SNED1: variants seen among roughly 807,000 people sequenced by gnomAD.
SNED1 encodes sushi, nidogen and EGF like domains 1.
SNED1 carries 81 observed loss-of-function variants against 166.7 expected under a neutral mutation model. That is an observed-to-expected ratio of 0.49 (90% CI 0.41 to 0.58). SNED1 has a LOEUF of 0.58. Ranked by LOEUF, SNED1 falls within the 20% of genes least tolerant of loss-of-function variation. SNED1 has a pLI of 0.00. For synonymous variants in SNED1, 762 were observed against 822.0 expected, an observed-to-expected ratio of 0.93 and a Z score of 1.25; for missense variants, 1,604 against 2,000.2, an observed-to-expected ratio of 0.80 and a Z score of 3.78.
chr2:241,052,376 G>A lies in SNED1; in HGVS notation c.1991G>A (p.Ser664Asn). Residue 664 changes from serine to asparagine, a missense_variant, in exon 15 of 32, where the codon AGC (serine) becomes AAC (asparagine). Physicochemically the swap from Ser to Asn is conservative, Grantham distance 46. Around this residue, in one of 2 missense-constraint regions of SNED1, gnomAD observed 1,237 missense variants for 1,620.8 expected, o/e 0.76. Transcript: ENST00000310397. ...CEIAPSPCFRSPCVNGGTCED... is the reference protein window; with the variant it reads ...CEIAPSPCFRNPCVNGGTCED... ...GCAGCCCCCTCCCCCTGCTTCCGGA[G>A]CCCGTGTGTGAATGGGGGCACCTGC... 1 of 1,583,514 alleles carries A rather than the reference G, an allele frequency of 6.3e-7. No individual in the cohort carries two copies. The highest frequency in any genetic ancestry group is 8.6e-7 in the Non-Finnish European group (1 of 1,163,716).
At chr2:241,009,958 T>TC (rs1484354141) in intron 1 of SNED1, 1 of 152,146 alleles carries the variant, frequency 6.6e-6, no homozygotes, top group African/African-American at 2.4e-5. Flanking sequence ...GCCCTGCCCA[T>TC]CCCCCGGCCC....
At chr2:241,016,488 GCCCGGC>G (rs2060598121) in intron 1 of SNED1, among the ~76,000 whole-genome samples, 2 of 139,204 alleles carry the variant, frequency 1.4e-5, no homozygotes, top group East Asian at 4.7e-4. Flanking sequence ...GAGCCACCAC[GCCCGGC>G]CCATGGTGGA....
At chr2:241,026,734 T>C (rs1461985128) in intron 1 of SNED1, among the ~76,000 whole-genome samples, 1 of 152,258 alleles carries the variant, frequency 6.6e-6, no homozygotes, top group East Asian at 1.9e-4. Context: ...AAGTTTTTCA[T>C]TGTGGTAAAA....
At position 241,048,767 on chromosome 2, in the gene SNED1, G is replaced by T. The variant is rs2061740129; in HGVS notation, c.1504+1G>T. 6.2e-7 allele frequency: 1 copy of T among 1,606,422 alleles called. No individual in the cohort carries two copies. The highest frequency in any genetic ancestry group is 8.5e-7 in the Non-Finnish European group (1 of 1,175,800). On this transcript the variant is annotated splice_donor_variant, in intron 10 of 31. Transcript: ENST00000310397. LOFTEE classifies it high-confidence loss of function. ...TTCTTTGGGCTTCTCTGTGAATTTGGTAGGTGCCCAGGTCACCCTTCCTGC... is the reference window on the plus strand; with the variant it reads ...TTCTTTGGGCTTCTCTGTGAATTTGTTAGGTGCCCAGGTCACCCTTCCTGC...
intron 1 of SNED1, among the ~76,000 whole-genome samples, chr2:241,019,858 T>C (rs917484074): frequency 6.6e-6 from 1 of 152,138 alleles, no homozygotes; most frequent in African/African-American, 2.4e-5. Flanking sequence ...GGCAGCAGGC[T>C]TTTTCTGTAG....
In SNED1 at chr2:241,049,152, C is replaced by T. The variant is rs1249620153; in HGVS notation, c.1618+17C>T. 2.5e-6 allele frequency: 4 copies of T among 1,597,644 alleles called. No individual in the cohort carries two copies. Among genetic ancestry groups the T allele is most frequent in the South Asian group, 1.1e-5 (1 of 89,368 alleles). On this transcript the variant is annotated intron_variant, in intron 11 of 31. Transcript: ENST00000310397. ...CCAGCCACTGTGAGTAGCTCGGGGA[C>T]GAGCCTGCTGGGCCGGGGGCCCGGA...
intron 1 of SNED1, among the ~76,000 whole-genome samples, chr2:241,029,959 G>C (rs1574924436): frequency 6.6e-6 from 1 of 152,374 alleles, no homozygotes; most frequent in East Asian, 1.9e-4. Flanking sequence ...AGGCCCAAGT[G>C]CCCCACTGAC....
chr2:240,998,727 C>G lies in SNED1; in HGVS notation c.-111C>G, dbSNP rs986774608. On this transcript the variant is annotated 5_prime_UTR_variant, in exon 1 of 32. Transcript: ENST00000310397. The stretch of plus-strand genomic sequence containing the variant: ...AGCCCCCGACGGCGCGGCCAGCGGG[C>G]GCGCCCGCGCTCCCCGCACCCCGCC... 1 of 305,434 alleles carries G rather than the reference C, an allele frequency of 3.3e-6. No homozygotes were observed. 18.9% of individuals were successfully genotyped at this position (305,434 alleles called of 1,614,324 possible).
At position 241,064,693 on chromosome 2, in the gene SNED1, G is replaced by A; in HGVS notation, c.2600-151G>A. On this transcript the variant is annotated intron_variant, in intron 19 of 31. Coordinates refer to ENST00000310397, the MANE Select transcript of SNED1 (RefSeq NM_001080437.3). The surrounding 1 kb of genome is among the most constrained non-coding windows in gnomAD (Gnocchi z 7.0). ...TTGGGCCCCGCAGGGCAGTGGAGGT[G>A]GCAGAACCGAAGGGAGGCAGTAGCT... 2 of 587,070 alleles carry A rather than the reference G, an allele frequency of 3.4e-6. No homozygotes were observed. The highest frequency in any genetic ancestry group is 3.2e-5 in the East Asian group (1 of 31,326). The allele number at this position is 587,070 out of a possible 1,614,324, so 36.4% of individuals were successfully genotyped here.
chr2:241,020,398 C>A (rs1259127278), intron 1 of SNED1, among the ~76,000 whole-genome samples: 1 of 152,256 alleles, frequency 6.6e-6, no homozygotes. Flanking sequence ...CTTAGCCGGA[C>A]CATCCTTGAA....
In SNED1 at chr2:241,065,609, A is replaced by T. The variant is rs778037823; in HGVS notation, c.3010+14A>T. On this transcript the variant is annotated intron_variant, in intron 21 of 31. Transcript: ENST00000310397. ...TGGCCCGCACGCGTGAGTGTCCCCG[A>T]GCCTGGCCGTCCCTGCCCAGCCCCT... 3.5e-5 allele frequency: 57 copies of T among 1,608,034 alleles called. No homozygotes were observed. Among genetic ancestry groups the T allele is most frequent in the Non-Finnish European group, 4.8e-5 (56 of 1,178,320 alleles).
At chr2:241,022,818 T>A (rs1030735125) in intron 1 of SNED1, among the ~76,000 whole-genome samples, 2 of 152,228 alleles carry the variant, frequency 1.3e-5, no homozygotes, top group African/African-American at 2.4e-5. Context: ...AAGAAAATTT[T>A]CTATTTTACC....
At position 241,093,332 on chromosome 2, in the gene SNED1, T is replaced by C. The variant is rs2064164492; in HGVS notation, c.*1696T>C. Reference sequence around the variant, plus strand: ...TGTAAGCTACAGCATTACTAGCAGATGCTAAGATCGAGTGATATCACTGGA... The same window carrying C: ...TGTAAGCTACAGCATTACTAGCAGACGCTAAGATCGAGTGATATCACTGGA... On this transcript the variant is annotated 3_prime_UTR_variant, in exon 32 of 32. Transcript: ENST00000310397. The C allele has an allele frequency of 6.5e-6, 1 of 152,678 alleles. No individual in the cohort carries two copies. Among genetic ancestry groups the C allele is most frequent in the Non-Finnish European group, 1.5e-5 (1 of 68,044 alleles). 9.5% of individuals were successfully genotyped at this position (152,678 alleles called of 1,614,324 possible).
chr2:241,001,570 C>G (rs947055874), intron 1 of SNED1, among the ~76,000 whole-genome samples: 7 of 152,204 alleles, frequency 4.6e-5, no homozygotes, highest in Admixed American at 4.6e-4. Flanking sequence ...AGGAGTGTGG[C>G]GTGCTGAGGA....
Position 241,047,146 on chromosome 2 carries a change from CAAAA to C in SNED1, c.1274-1149_1274-1146del, listed in dbSNP as rs59981303. ...GCCTGGCAAGAGAGCGAGACTCTGT[CAAAA>C]AAAAAAAAAAAAAAAAAAAGTAAAT... On this transcript the variant is annotated intron_variant, in intron 8 of 31. Transcript: ENST00000310397. 5.9e-3 allele frequency among the ~76,000 whole-genome samples: 402 copies of C among 68,160 alleles called. 12 individuals carry two copies. Among genetic ancestry groups the C allele is most frequent in the Non-Finnish European group, 5.3e-3 (157 of 29,680 alleles). The allele number at this position is 68,160 out of a possible 152,430, so 44.7% of individuals were successfully genotyped here.
chr2:241,040,966 G>T, intron 8 of SNED1: 1 of 404,494 alleles, frequency 2.5e-6, no homozygotes, highest in Non-Finnish European at 5.0e-6. Context: ...TCTGATTGTT[G>T]CACCTGCCTC....
chr2:241,081,552 A>G, intron 27 of SNED1, 125 bp from the exon 28 acceptor site: 1 of 705,932 alleles, frequency 1.4e-6, no homozygotes, highest in Non-Finnish European at 2.5e-6. Flanking sequence ...AGGCCACCGC[A>G]GCACACCACA....
At position 241,048,645 on chromosome 2, in the gene SNED1, C is replaced by T. The variant is rs746389576; in HGVS notation, c.1400-17C>T. On this transcript the variant is annotated splice_polypyrimidine_tract_variant and intron_variant, in intron 9 of 31. Transcript: ENST00000310397. Reference sequence around the variant, plus strand: ...CTGCGCCCCCACATGGGAGGCTCCTCCCTCTCTTCGTGGCAGGAGTCCCCG... The same window carrying T: ...CTGCGCCCCCACATGGGAGGCTCCTTCCTCTCTTCGTGGCAGGAGTCCCCG... 7 of 1,594,440 alleles carry T rather than the reference C, an allele frequency of 4.4e-6. No homozygotes were observed. In the South Asian group the frequency reaches 4.6e-5, roughly 10 times the overall value.
chr2:241,061,005 G>A (rs1332917834), intron 16 of SNED1, among the ~76,000 whole-genome samples: 1 of 152,102 alleles, frequency 6.6e-6, no homozygotes, highest in East Asian at 1.9e-4. Flanking sequence ...CTTTGGGGTA[G>A]TGAAAGACTC....
Sources: allele counts gnomAD v4.1 joint callset (sites outside exome capture counted in the v4.1 genomes callset), GRCh38; gene constraint gnomAD v4.1.1; regional missense constraint gnomAD v4.1.1; non-coding constraint Gnocchi (gnomAD v3.1); transcripts MANE v1.5; gene names NCBI Gene and HGNC (gene_info 2026-07-23, HGNC 2026-07-21).